The following LAYN variants were observed in gnomAD, a reference collection of about 807,000 sequenced individuals.
LAYN encodes the protein layilin.
Under a neutral mutation model 43.6 loss-of-function variants are expected in LAYN, and 38 were observed. That is an observed-to-expected ratio of 0.87 (90% confidence interval 0.67 to 1.14). The LOEUF is 1.14. Ranked by LOEUF, LAYN falls within the 50% of genes most tolerant of loss-of-function variation. The pLI is 0.00. For synonymous variants in LAYN, 168 were observed against 172.9 expected (o/e 0.97, Z 0.22); for missense variants, 479 against 463.8 (o/e 1.03, Z -0.30).
intron 4 of LAYN, 25 bp from the exon 5 acceptor site, chr11:111,555,182 C>G: frequency 6.4e-7 from 1 of 1,559,584 alleles, no homozygotes; most frequent in Non-Finnish European, 8.8e-7. Context: ...TCTTCAAGTT[C>G]ACAAGTCCAT....
At chr11:111,541,522 A>G in intron 1 of LAYN, 1 of 1,534,146 alleles carries the variant, frequency 6.5e-7, no homozygotes. Flanking sequence ...GACTCCGGGG[A>G]ATGACTCTCT....
chr11:111,552,947 A>G (rs1028523538), intron 3 of LAYN, among the ~76,000 whole-genome samples: 1 of 152,168 alleles, frequency 6.6e-6, no homozygotes, highest in Non-Finnish European at 1.5e-5. Context: ...ATTCCTTTAC[A>G]GCTACTTATC....
intron 2 of LAYN, among the ~76,000 whole-genome samples, chr11:111,545,078 T>A (rs1418480413): frequency 7.6e-6 from 1 of 131,350 alleles, no homozygotes; most frequent in Non-Finnish European, 1.7e-5. Context: ...ATATATATTT[T>A]TTACCTATTA....
intron 2 of LAYN, among the ~76,000 whole-genome samples, chr11:111,545,862 G>A (rs940110567): frequency 6.6e-6 from 1 of 152,214 alleles, no homozygotes; most frequent in Non-Finnish European, 1.5e-5. Context: ...GTGAGTTATT[G>A]CCTTTTTCAG....
chr11:111,541,684 C>A, intron 1 of LAYN: 1 of 1,054,968 alleles, frequency 9.5e-7, no homozygotes, highest in Non-Finnish European at 1.4e-6. Context: ...GTGCCAACAG[C>A]TTGACCAAAC....
Position 111,560,377 on chromosome 11 carries a change from T to G in LAYN, c.1044T>G (p.Asn348Lys), listed in dbSNP as rs1428679944. The G allele has an allele frequency of 1.9e-6, 3 of 1,614,104 alleles. No individual in the cohort carries two copies. Among genetic ancestry groups the G allele is most frequent in the Admixed American group, 1.7e-5 (1 of 60,026 alleles). The change falls in exon 7 of 7, where the codon AAT (asparagine) becomes AAG (lysine). Residue 348 changes from asparagine (N) to lysine (K), a missense_variant. Coordinates refer to ENST00000375614, the MANE Select transcript of LAYN (RefSeq NM_178834.5). ...GCGTGGAGAGTGGATTTGTGACCAA[T>G]GACATTTATGAGTTCTCCCCAGACC... ...LVSVESGFVTNDIYEFSPDQM... is the reference protein window; with the variant it reads ...LVSVESGFVTKDIYEFSPDQM...
intron 1 of LAYN, chr11:111,541,410 C>T (rs909727514): frequency 1.4e-6 from 1 of 710,508 alleles, no homozygotes; most frequent in East Asian, 2.7e-5. Flanking sequence ...GCCTGTTACT[C>T]CTCGTCTCTT....
At chr11:111,549,301 G>T (rs1008924351) in intron 2 of LAYN, among the ~76,000 whole-genome samples, 39 of 152,182 alleles carry the variant, frequency 2.6e-4, no homozygotes, top group African/African-American at 9.2e-4. Context: ...TTAGCAAAAA[G>T]CAAGAAAGAA....
chr11:111,557,977 T>C (rs937153246), intron 6 of LAYN, among the ~76,000 whole-genome samples: 3 of 152,224 alleles, frequency 2.0e-5, no homozygotes, highest in Non-Finnish European at 4.4e-5. Context: ...CTGAAAATGT[T>C]TGTGGACTGA....
In LAYN at chr11:111,560,785, G is replaced by T. The variant is rs1244117365; in HGVS notation, c.*327G>T. On this transcript the variant is annotated 3_prime_UTR_variant, in exon 7 of 7. Transcript: ENST00000375614. Reference sequence around the variant, plus strand: ...GGCAGTGATAAAGATGGGCTGTGGAGCTTGGAAAACCACCTCTGTTTTCCT... The same window carrying T: ...GGCAGTGATAAAGATGGGCTGTGGATCTTGGAAAACCACCTCTGTTTTCCT... 7 of 268,590 alleles carry T rather than the reference G, an allele frequency of 2.6e-5. No homozygotes were observed. In the East Asian group the frequency reaches 5.7e-4, roughly 22 times the overall value. 16.6% of individuals were successfully genotyped at this position (268,590 alleles called of 1,614,324 possible).
chr11:111,544,244 G>A, intron 2 of LAYN, 24 bp downstream of exon 2: 2 of 1,592,190 alleles, frequency 1.3e-6, no homozygotes, highest in Non-Finnish European at 8.6e-7. Context: ...ACCCACAGCT[G>A]CTGACTCACT....
chr11:111,547,160 A>G (rs1867663236), intron 2 of LAYN, among the ~76,000 whole-genome samples: 2 of 152,236 alleles, frequency 1.3e-5, no homozygotes, highest in African/African-American at 2.4e-5. Flanking sequence ...GCTATGCTTC[A>G]TTCTTCAAAT....
chr11:111,553,846 C>A (rs769552180), intron 3 of LAYN, among the ~76,000 whole-genome samples: 27 of 152,010 alleles, frequency 1.8e-4, no homozygotes, highest in Non-Finnish European at 2.8e-4. Context: ...TTTTTAAGGT[C>A]TTTCCCTTAA....
rs756451753 is a variant in LAYN at position 111,543,949 on chromosome 11, C to G, written c.112C>G (p.Gln38Glu). Reference sequence around the variant, plus strand: ...GCAGCCAGTCTGCCGGGGAGGGACACAGAGGCCTTGTTATAAAGTCATTTA... The same window carrying G: ...GCAGCCAGTCTGCCGGGGAGGGACAGAGAGGCCTTGTTATAAAGTCATTTA... ...SGQPVCRGGTQRPCYKVIYFH... is the reference protein window; with the variant it reads ...SGQPVCRGGTERPCYKVIYFH... The change falls in exon 2 of 7, where the codon CAG (glutamine) becomes GAG (glutamate). Residue 38 changes from glutamine (Q) to glutamate (E), a missense_variant. Gln to Glu is a conservative substitution (Grantham distance 29, BLOSUM62 2). Coordinates refer to ENST00000375614, the MANE Select transcript of LAYN (RefSeq NM_178834.5). 1 of 1,613,502 alleles carries G rather than the reference C, an allele frequency of 6.2e-7. No individual in the cohort carries two copies. The highest frequency in any genetic ancestry group is 1.1e-5 in the South Asian group (1 of 90,942).
intron 1 of LAYN, among the ~76,000 whole-genome samples, chr11:111,542,295 T>C (rs758581237): frequency 7.2e-5 from 11 of 152,218 alleles, no homozygotes; most frequent in Non-Finnish European, 1.3e-4. Context: ...CCTCCTAATG[T>C]GCTGCTGGAC....
intron 1 of LAYN, chr11:111,541,367 G>T: frequency 1.6e-6 from 1 of 632,506 alleles, no homozygotes; most frequent in Non-Finnish European, 2.8e-6. Context: ...CAGCGGGGTA[G>T]GGATGCTGGA....
rs1867930802 is a variant in LAYN, at chr11:111,560,291, T to C, written c.958T>C (p.Ser320Pro). ...CSGEATPDDM[S>P]CDYDNMAVNP... ...GGGAGAAGCCACTCCCGATGACATG[T>C]CTTGTGACTATGACAACATGGCTGT... The change falls in exon 7 of 7, where the codon TCT becomes CCT. Residue 320 changes from serine (S) to proline (P), a missense_variant. Physicochemically the swap from Ser to Pro is moderately conservative, Grantham distance 74. Coordinates refer to ENST00000375614, the MANE Select transcript of LAYN (RefSeq NM_178834.5). The C allele has an allele frequency of 2.5e-6, 4 of 1,614,220 alleles. No individual in the cohort carries two copies. Among genetic ancestry groups the C allele is most frequent in the Non-Finnish European group, 3.4e-6 (4 of 1,180,042 alleles).
chr11:111,550,962 C>A (rs530607014), intron 3 of LAYN, among the ~76,000 whole-genome samples: 2 of 152,190 alleles, frequency 1.3e-5, no homozygotes, highest in South Asian at 4.2e-4. Flanking sequence ...TTTGTTATTG[C>A]CTATATTAGT....
At chr11:111,556,294 G>A (rs1867840459) in intron 5 of LAYN, among the ~76,000 whole-genome samples, 1 of 152,176 alleles carries the variant, frequency 6.6e-6, no homozygotes, top group Non-Finnish European at 1.5e-5. Context: ...TTAGCATCCT[G>A]GCACATCAGT....
Sources: gnomAD v4.1 joint callset for allele counts (sites outside exome capture counted in the v4.1 genomes callset) on GRCh38, gnomAD v4.1.1 for gene constraint, MANE v1.5 for transcripts, NCBI Gene and HGNC (gene_info 2026-07-23, HGNC 2026-07-21) for gene names.